Variants in SEMA3A observed in about 807,000 individuals in gnomAD.
The protein encoded by SEMA3A is semaphorin 3A, also known as semaphorin-3A.
A neutral mutation model predicts 97.9 loss-of-function variants in SEMA3A; 29 were observed. The observed-to-expected ratio is 0.30, with a 90% CI of 0.22 to 0.40. The LOEUF (loss-of-function observed/expected upper bound fraction) is 0.40, where lower values mean the gene tolerates loss of function less well. Ranked by LOEUF, SEMA3A falls within the 10% of genes least tolerant of loss-of-function variation. The pLI is 1.00. For missense variants in SEMA3A, 763 were observed against 951.3 expected (o/e 0.80, Z 2.60); for synonymous variants, 321 against 323.7 (o/e 0.99, Z 0.09).
chr7:84,374,162 A>G (rs1803043616), intron 1 of SEMA3A, among the ~76,000 whole-genome samples: 1 of 152,230 alleles, frequency 6.6e-6, no homozygotes, highest in Non-Finnish European at 1.5e-5. Flanking sequence ...CTGCATGTCA[A>G]TGAGAACAAA....
intron 1 of SEMA3A, among the ~76,000 whole-genome samples, chr7:84,135,264 C>T (rs987780351): frequency 4.6e-5 from 7 of 151,918 alleles, no homozygotes; most frequent in African/African-American, 1.5e-4. Context: ...ACATGCACCA[C>T]TATGCCCGGC....
intron 1 of SEMA3A, among the ~76,000 whole-genome samples, chr7:84,397,920 T>C (rs1445413971): frequency 3.9e-5 from 6 of 152,162 alleles, no homozygotes; most frequent in Non-Finnish European, 7.4e-5. Flanking sequence ...AGATAAATCA[T>C]GCAAAGTGTA....
At position 84,418,085 on chromosome 7, in the gene SEMA3A, T is replaced by C. The variant is rs554817978; in HGVS notation, c.-245-46185A>G. 9.2e-5 allele frequency among the ~76,000 whole-genome samples: 14 copies of C among 152,220 alleles called. No homozygotes were observed. The South Asian group carries it at 1.7e-3, about 18-fold the overall frequency. On this transcript the variant is annotated intron_variant, in intron 1 of 3. Coordinates refer to the SEMA3A transcript ENST00000424555. ...GCTGGTAAAGTTTTGTTTCTGAGTG[T>C]GTCTGTGAGGGTGTTGCCAGAGAAG...
intron 1 of SEMA3A, among the ~76,000 whole-genome samples, chr7:84,427,918 A>G (rs1804871059): frequency 6.6e-6 from 1 of 152,102 alleles, no homozygotes; most frequent in Non-Finnish European, 1.5e-5. Flanking sequence ...TCTATATAGC[A>G]TTGATATAGT....
intron 1 of SEMA3A, among the ~76,000 whole-genome samples, chr7:84,150,603 T>C (rs892957723): frequency 2.6e-5 from 4 of 152,160 alleles, no homozygotes; most frequent in Non-Finnish European, 4.4e-5. Flanking sequence ...CTATGGAGTC[T>C]CGCTGATTGC....
At chr7:84,023,601 A>C (rs924933484) in intron 6 of SEMA3A, among the ~76,000 whole-genome samples, 1 of 152,202 alleles carries the variant, frequency 6.6e-6, no homozygotes, top group Non-Finnish European at 1.5e-5. Context: ...AACATGTCAG[A>C]GGTTGCAGAG....
intron 2 of SEMA3A, among the ~76,000 whole-genome samples, chr7:84,338,408 C>A (rs1017692972): frequency 6.6e-6 from 1 of 151,958 alleles, no homozygotes; most frequent in East Asian, 1.9e-4. Flanking sequence ...ACATTCCTCC[C>A]AAATTTTTGC....
At chr7:84,212,736 A>C (rs996682925) in intron 3 of SEMA3A, among the ~76,000 whole-genome samples, 2 of 152,192 alleles carry the variant, frequency 1.3e-5, no homozygotes, top group African/African-American at 4.8e-5. Context: ...TGTGGTGTGG[A>C]AACCAGCTTT....
intron 1 of SEMA3A, among the ~76,000 whole-genome samples, chr7:84,479,559 T>C (rs1331193399): frequency 6.6e-6 from 1 of 152,170 alleles, no homozygotes; most frequent in East Asian, 1.9e-4. Flanking sequence ...TATGGGCAGC[T>C]ATCAAATAAA....
chr7:83,979,110 T>C (rs866735741), intron 14 of SEMA3A, among the ~76,000 whole-genome samples: 2 of 152,210 alleles, frequency 1.3e-5, no homozygotes, highest in South Asian at 2.1e-4. Context: ...ATAATACTCA[T>C]TTTAGTTCAA....
chr7:84,153,927 T>C (rs1796755540), intron 1 of SEMA3A, among the ~76,000 whole-genome samples: 1 of 152,066 alleles, frequency 6.6e-6, no homozygotes. Flanking sequence ...AATGAATGAA[T>C]CCTTTATGGA....
chr7:84,087,330 G>T (rs922070380), intron 4 of SEMA3A, among the ~76,000 whole-genome samples: 1 of 152,072 alleles, frequency 6.6e-6, no homozygotes, highest in Non-Finnish European at 1.5e-5. Flanking sequence ...TGCCTGTTTA[G>T]AATGTTACAG....
chr7:84,235,392 G>A (rs1301336087), intron 3 of SEMA3A, among the ~76,000 whole-genome samples: 1 of 151,860 alleles, frequency 6.6e-6, no homozygotes, highest in African/African-American at 2.4e-5. Flanking sequence ...TATGTATTTT[G>A]TAGTTTGGAA....
At chr7:83,962,997 C>A (rs1031885554) in intron 16 of SEMA3A, among the ~76,000 whole-genome samples, 1 of 152,030 alleles carries the variant, frequency 6.6e-6, no homozygotes, top group Non-Finnish European at 1.5e-5. Context: ...AAACTCTTAC[C>A]AGGTTACCTT....
intron 1 of SEMA3A, among the ~76,000 whole-genome samples, chr7:84,473,823 A>C (rs1348447368): frequency 6.6e-6 from 1 of 152,250 alleles, no homozygotes; most frequent in Non-Finnish European, 1.5e-5. Flanking sequence ...ATTGGTTCTA[A>C]GAGTAAAATT....
At chr7:84,436,452 C>T (rs1805133200) in intron 1 of SEMA3A, among the ~76,000 whole-genome samples, 1 of 152,056 alleles carries the variant, frequency 6.6e-6, no homozygotes, top group African/African-American at 2.4e-5. Flanking sequence ...ATCTAATATC[C>T]ACAATCTATA....
At chr7:84,206,117 G>T (rs11976275) in intron 3 of SEMA3A, among the ~76,000 whole-genome samples, 9,564 of 152,014 alleles carry the variant, frequency 0.063, 352 homozygotes, top group African/African-American at 0.092. Flanking sequence ...AGATCATATT[G>T]CCTTTCCCTC....
intron 2 of SEMA3A, among the ~76,000 whole-genome samples, chr7:84,321,475 T>G (rs1350619860): frequency 6.6e-6 from 1 of 152,182 alleles, no homozygotes; most frequent in Non-Finnish European, 1.5e-5. Context: ...AAGACCAGAC[T>G]GCCTGGGTTG....
rs377642193 is a variant in SEMA3A, at chr7:84,396,709, A to G, written c.-245-24809T>C. On this transcript the variant is annotated intron_variant, in intron 1 of 3. Coordinates refer to the SEMA3A transcript ENST00000424555. ...ATAGTAATAGCTGTAGTTGGAAAAC[A>G]ATTTCTGCTTGAAGCTTTAACATAT... Among the ~76,000 whole-genome samples the G allele has an allele frequency of 7.0e-4, 106 of 152,156 alleles. 1 individual carries two copies. Among genetic ancestry groups the G allele is most frequent in the African/African-American group, 2.4e-3 (98 of 41,570 alleles).
Sources: allele counts gnomAD v4.1 joint callset (sites outside exome capture counted in the v4.1 genomes callset), GRCh38; gene constraint gnomAD v4.1.1; transcripts MANE v1.5; gene names NCBI Gene and HGNC (gene_info 2026-07-23, HGNC 2026-07-21).